Variants in LAMA2 observed in about 807,000 individuals in gnomAD.
LAMA2 encodes the protein laminin subunit alpha-2.
LAMA2 carries 269 observed loss-of-function variants against 364.8 expected under a neutral mutation model. That is an observed-to-expected ratio of 0.74 (90% CI 0.67 to 0.82). The LOEUF (loss-of-function observed/expected upper bound fraction) is 0.82, where lower values mean the gene tolerates loss of function less well. LAMA2 is among the 40% of genes least tolerant of loss of function. The probability of loss-of-function intolerance (pLI) is 0.00; values close to 1 mark genes in which losing one functional copy is unlikely to be tolerated. For synonymous variants in LAMA2, 1,379 were observed against 1,370.6 expected, an observed-to-expected ratio of 1.01 and a Z score of -0.14; for missense variants, 3,807 against 3,873.2, an observed-to-expected ratio of 0.98 and a Z score of 0.45.
At chr6:129,278,806 A>G (rs75455712) in intron 17 of LAMA2, among the ~76,000 whole-genome samples, 4,595 of 152,238 alleles carry the variant, frequency 0.03, 92 homozygotes, top group Non-Finnish European at 0.049. Flanking sequence ...CTGAGTTGAA[A>G]TGTTTAAAAT....
intron 1 of LAMA2, among the ~76,000 whole-genome samples, chr6:129,024,267 A>G (rs751809114): frequency 5.3e-5 from 8 of 151,782 alleles, no homozygotes; most frequent in Non-Finnish European, 1.2e-4. Context: ...GGTATGTTAA[A>G]AAAAAAAGTA....
intron 22 of LAMA2, among the ~76,000 whole-genome samples, chr6:129,307,343 G>T (rs558528147): frequency 6.6e-6 from 1 of 152,246 alleles, no homozygotes; most frequent in East Asian, 1.9e-4. Flanking sequence ...TTCATCCCAT[G>T]CATGCACCTA....
intron 9 of LAMA2, among the ~76,000 whole-genome samples, chr6:129,171,697 A>G (rs1464652633): frequency 1.5e-5 from 2 of 129,144 alleles, no homozygotes; most frequent in Non-Finnish European, 3.2e-5. Flanking sequence ...CGTTCTCTGT[A>G]TTTCCTGAAT....
chr6:128,909,915 T>G (rs1326838265), intron 1 of LAMA2, among the ~76,000 whole-genome samples: 8 of 151,708 alleles, frequency 5.3e-5, no homozygotes, highest in African/African-American at 1.2e-4. Context: ...TGGCTGGATA[T>G]GAAATTCTGG....
Position 129,486,576 on chromosome 6 carries a change from T to C in LAMA2, c.7852T>C (p.Phe2618Leu), listed in dbSNP as rs757785686. Residue 2618 changes from phenylalanine (F) to leucine (L), a missense_variant, in exon 56 of 65, where the codon TTT becomes CTT. Coordinates refer to ENST00000421865, the MANE Select transcript of LAMA2 (RefSeq NM_000426.4). The stretch of plus-strand genomic sequence containing the variant: ...TGTGATCAGACCAGAGCCGAATCTG[T>C]TTCATGATGGAAGAGAACATTCCGT... ...KIVIRPEPNL[F>L]HDGREHSVHV... 2.5e-6 allele frequency: 4 copies of C among 1,614,008 alleles called. No individual in the cohort carries two copies. The Admixed American group carries it at 6.7e-5, about 27-fold the overall frequency.
At chr6:128,973,949 T>C (rs1054190109) in intron 1 of LAMA2, among the ~76,000 whole-genome samples, 3 of 152,200 alleles carry the variant, frequency 2.0e-5, no homozygotes, top group African/African-American at 7.2e-5. Flanking sequence ...GGGAATTGCC[T>C]TCTAGCAGAG....
chr6:129,104,595 A>G (rs1253953096), intron 4 of LAMA2, among the ~76,000 whole-genome samples: 1 of 152,200 alleles, frequency 6.6e-6, no homozygotes, highest in Non-Finnish European at 1.5e-5. Flanking sequence ...CCCCAATTTC[A>G]GCCTCTGTAT....
chr6:129,154,152 G>A (rs1778968847), intron 7 of LAMA2, among the ~76,000 whole-genome samples: 2 of 152,262 alleles, frequency 1.3e-5, no homozygotes, highest in African/African-American at 4.8e-5. Context: ...AGTGGCTCAC[G>A]CCTGTAATTC....
chr6:128,923,771 G>C (rs61478478), intron 1 of LAMA2, among the ~76,000 whole-genome samples: 1 of 152,224 alleles, frequency 6.6e-6, no homozygotes, highest in South Asian at 2.1e-4. Flanking sequence ...TAAAATCTTA[G>C]CATTATAGAG....
At chr6:129,373,060 C>T (rs971495569) in intron 34 of LAMA2, among the ~76,000 whole-genome samples, 1 of 151,862 alleles carries the variant, frequency 6.6e-6, no homozygotes, top group Non-Finnish European at 1.5e-5. Flanking sequence ...ATGTCTTTTG[C>T]CATTATTTGC....
chr6:129,202,187 C>CAAAAAAAAAAAAAAAAAAAAA (rs776190977), intron 12 of LAMA2, among the ~76,000 whole-genome samples: 1 of 62,146 alleles, frequency 1.6e-5, no homozygotes, highest in Non-Finnish European at 3.1e-5. Flanking sequence ...GAGTCTGTCT[C>CAAAAAAAAAAAAAAAAAAAAA]AAAAAAAAAA....
intron 1 of LAMA2, among the ~76,000 whole-genome samples, chr6:129,049,482 G>A (rs1244129438): frequency 2.0e-5 from 3 of 151,998 alleles, no homozygotes; most frequent in Non-Finnish European, 2.9e-5. Flanking sequence ...ATTAGAGCAT[G>A]AAATGACCAT....
intron 12 of LAMA2, among the ~76,000 whole-genome samples, chr6:129,228,583 C>T (rs1395041057): frequency 1.3e-5 from 2 of 152,016 alleles, no homozygotes; most frequent in Non-Finnish European, 2.9e-5. Flanking sequence ...TACTTATTTA[C>T]ATTTTAATAA....
intron 21 of LAMA2, among the ~76,000 whole-genome samples, chr6:129,299,362 G>C (rs543438824): frequency 6.6e-6 from 1 of 151,946 alleles, no homozygotes; most frequent in Non-Finnish European, 1.5e-5. Flanking sequence ...TTGAGTTAGC[G>C]GCTATAAAAT....
chr6:128,993,661 TA>T (rs1013123936), intron 1 of LAMA2, among the ~76,000 whole-genome samples: 1 of 152,048 alleles, frequency 6.6e-6, no homozygotes, highest in African/African-American at 2.4e-5. Flanking sequence ...AGATTGTTTT[TA>T]AAAAAACATA....
chr6:129,304,256 TTTTTTTG>T (rs754132516), intron 22 of LAMA2, among the ~76,000 whole-genome samples: 7 of 152,058 alleles, frequency 4.6e-5, no homozygotes, highest in Middle Eastern at 3.2e-3. Flanking sequence ...GTGTTCCAAG[TTTTTTTG>T]TTTTTTGTTT....
intron 4 of LAMA2, among the ~76,000 whole-genome samples, chr6:129,130,994 C>T (rs76823499): frequency 0.028 from 4,208 of 152,236 alleles, 182 homozygotes; most frequent in African/African-American, 0.095. Context: ...ATTACACTCC[C>T]TTTTCTTTTT....
At chr6:129,263,699 G>A (rs1375777112) in intron 15 of LAMA2, among the ~76,000 whole-genome samples, 1 of 152,102 alleles carries the variant, frequency 6.6e-6, no homozygotes, top group Admixed American at 6.6e-5. Flanking sequence ...TTTCAGCAGA[G>A]TAGTGGAGTA....
intron 47 of LAMA2, 26 bp from the exon 48 acceptor site, chr6:129,456,309 C>A (rs1441112913): frequency 6.2e-7 from 1 of 1,609,504 alleles, no homozygotes; most frequent in Non-Finnish European, 8.5e-7. Flanking sequence ...TGTTCCTCCC[C>A]TTCACTTCAA....
Sources: gnomAD v4.1 joint callset for allele counts (sites outside exome capture counted in the v4.1 genomes callset) on GRCh38, gnomAD v4.1.1 for gene constraint, MANE v1.5 for transcripts, NCBI Gene and HGNC (gene_info 2026-07-23, HGNC 2026-07-21) for gene names.